Variants in TRDN observed in about 807,000 individuals in gnomAD.
TRDN encodes the protein triadin.
Under a neutral mutation model 149.7 loss-of-function variants are expected in TRDN, and 161 were observed. The ratio of observed to expected loss-of-function variants is 1.08; its 90% CI spans 0.95 to 1.23. The LOEUF (loss-of-function observed/expected upper bound fraction) is 1.23, where lower values mean the gene tolerates loss of function less well. Among genes scored for constraint, TRDN ranks in the 50% most tolerant of loss-of-function variants. The pLI, the probability that TRDN is intolerant of heterozygous loss-of-function variation, is 0.00. For missense variants in TRDN, 896 were observed against 823.5 expected, an observed-to-expected ratio of 1.09 and a Z score of -1.08; for synonymous variants, 294 against 250.5, an observed-to-expected ratio of 1.17 and a Z score of -1.64.
chr6:123,417,281 A>G (rs914490662), intron 12 of TRDN, among the ~76,000 whole-genome samples: 9 of 151,978 alleles, frequency 5.9e-5, no homozygotes, highest in African/African-American at 2.2e-4. Context: ...TTTCAGATTC[A>G]GGTATTATTG....
intron 21 of TRDN, chr6:123,350,130 A>C: frequency 2.1e-6 from 2 of 974,556 alleles, no homozygotes; most frequent in Non-Finnish European, 2.4e-6. Flanking sequence ...ACTGTGTTAA[A>C]ATTTATTCTT....
At chr6:123,330,921 T>C (rs991985882) in intron 23 of TRDN, among the ~76,000 whole-genome samples, 2 of 151,948 alleles carry the variant, frequency 1.3e-5, no homozygotes, top group Admixed American at 6.6e-5. Flanking sequence ...CCTTCTCTTA[T>C]CAATAAAAAA....
intron 1 of TRDN, among the ~76,000 whole-genome samples, chr6:123,577,334 T>C (rs111411373): frequency 0.059 from 9,036 of 152,122 alleles, 362 homozygotes; most frequent in African/African-American, 0.095. Flanking sequence ...GTGTCTGTTG[T>C]TCCCTTCTTT....
chr6:123,280,088 G>A (rs1289259663), intron 24 of TRDN, among the ~76,000 whole-genome samples: 1 of 152,162 alleles, frequency 6.6e-6, no homozygotes, highest in African/African-American at 2.4e-5. Flanking sequence ...CAAGGCCTTA[G>A]TGCAGCAATG....
chr6:123,512,308 G>T lies in TRDN; in HGVS notation c.605C>A (p.Ala202Glu). 1 of 1,479,048 alleles carries T rather than the reference G, an allele frequency of 6.8e-7. No homozygotes were observed. The highest frequency in any genetic ancestry group is 9.3e-7 in the Non-Finnish European group (1 of 1,079,450). The allele number at this position is 1,479,048 out of a possible 1,614,324, so 91.6% of individuals were successfully genotyped here. A position where few individuals can be genotyped will look rare whatever the true frequency, so the allele number is the denominator to read the frequency against. Residue 202 changes from alanine (A) to glutamate (E), a missense_variant, in exon 7 of 41, where the codon GCG becomes GAG. Transcript: ENST00000334268. ...ATAATAAATTGAAAAGTTACCTTTC[G>T]CCAGTGTCTTTGTTTCTGGTTTTTC... ...KKEKPETKTL[A>E]KEQKKAKTAE...
intron 10 of TRDN, among the ~76,000 whole-genome samples, chr6:123,443,636 C>A (rs1461162881): frequency 6.6e-6 from 1 of 151,994 alleles, no homozygotes. Flanking sequence ...ACTAAAAATA[C>A]AAAAAATTAG....
intron 24 of TRDN, among the ~76,000 whole-genome samples, chr6:123,305,974 A>G (rs1426557053): frequency 2.0e-5 from 3 of 152,150 alleles, no homozygotes; most frequent in Non-Finnish European, 2.9e-5. Flanking sequence ...ACTTTTAGAT[A>G]TGTTTTGTTG....
intron 10 of TRDN, among the ~76,000 whole-genome samples, chr6:123,441,640 G>A (rs1774895297): frequency 6.6e-6 from 1 of 152,106 alleles, no homozygotes; most frequent in Non-Finnish European, 1.5e-5. Flanking sequence ...AAAATTAAAC[G>A]ACTTACTTCT....
At chr6:123,548,694 T>A (rs1051144546) in intron 2 of TRDN, 82 bp from the exon 3 acceptor site, 2 of 1,165,670 alleles carry the variant, frequency 1.7e-6, no homozygotes, top group African/African-American at 3.2e-5. Context: ...TTTACTGATT[T>A]GTTGTTTTGA....
chr6:123,610,717 C>G (rs9388270), intron 1 of TRDN, among the ~76,000 whole-genome samples: 37,405 of 152,004 alleles, frequency 0.25, 4,753 homozygotes, highest in East Asian at 0.43. Context: ...ACACCAAATG[C>G]CTCCTCTTTT....
At chr6:123,430,013 T>C (rs1774266646) in intron 12 of TRDN, among the ~76,000 whole-genome samples, 1 of 152,184 alleles carries the variant, frequency 6.6e-6, no homozygotes, top group African/African-American at 2.4e-5. Flanking sequence ...CTCATGCCTG[T>C]AATCCCAGCA....
At chr6:123,315,298 A>C (rs6934862) in intron 24 of TRDN, among the ~76,000 whole-genome samples, 27,501 of 151,804 alleles carry the variant, frequency 0.18, 3,370 homozygotes, top group East Asian at 0.6. Context: ...ACTCAATATA[A>C]CATTTTATCT....
intron 12 of TRDN, among the ~76,000 whole-genome samples, chr6:123,435,616 C>CCTAT (rs1774527192): frequency 6.6e-6 from 1 of 151,498 alleles, no homozygotes; most frequent in Non-Finnish European, 1.5e-5. Context: ...ATAAACTCTG[C>CCTAT]CTATCTTTTA....
Position 123,483,829 on chromosome 6 carries a change from C to T in TRDN, c.853+13364G>A, listed in dbSNP as rs113875821. On this transcript the variant is annotated intron_variant, in intron 9 of 40. Transcript: ENST00000334268. Reference sequence around the variant, plus strand: ...GATTGATTAATAGAACAACTTTGAGCATAGCAACTCAGATGTTGATGAAGA... The same window carrying T: ...GATTGATTAATAGAACAACTTTGAGTATAGCAACTCAGATGTTGATGAAGA... Among the ~76,000 whole-genome samples the T allele has an allele frequency of 9.5e-3, 1,453 of 152,186 alleles. 22 individuals carry two copies. Among genetic ancestry groups the T allele is most frequent in the African/African-American group, 0.034 (1,399 of 41,536 alleles).
At chr6:123,465,631 C>A (rs1776755949) in intron 9 of TRDN, among the ~76,000 whole-genome samples, 1 of 147,470 alleles carries the variant, frequency 6.8e-6, no homozygotes, top group African/African-American at 2.5e-5. Flanking sequence ...GAAAGAAAAC[C>A]CACAATCATT....
chr6:123,354,520 C>T (rs1315186456), intron 20 of TRDN, among the ~76,000 whole-genome samples: 1 of 151,560 alleles, frequency 6.6e-6, no homozygotes, highest in African/African-American at 2.4e-5. Context: ...CAAATTAAAT[C>T]TGAAAAATAA....
chr6:123,561,130 G>A (rs1055596714), intron 2 of TRDN, among the ~76,000 whole-genome samples: 1 of 152,210 alleles, frequency 6.6e-6, no homozygotes, highest in African/African-American at 2.4e-5. Context: ...AGGCCACTGT[G>A]GTCATTTCTT....
At chr6:123,542,874 G>GTGTGTGTGTGTGTC (rs1228127847) in intron 4 of TRDN, among the ~76,000 whole-genome samples, 2 of 151,640 alleles carry the variant, frequency 1.3e-5, no homozygotes, top group African/African-American at 4.9e-5. Flanking sequence ...GTGTGTGTGT[G>GTGTGTGTGTGTGTC]TGTGTGTGTG....
chr6:123,268,733 T>A (rs1777101466), intron 31 of TRDN, among the ~76,000 whole-genome samples: 1 of 152,046 alleles, frequency 6.6e-6, no homozygotes. Flanking sequence ...CATTAGGAAC[T>A]GATAGCATTC....
Sources: allele counts gnomAD v4.1 joint callset (sites outside exome capture counted in the v4.1 genomes callset), GRCh38; gene constraint gnomAD v4.1.1; transcripts MANE v1.5; gene names NCBI Gene and HGNC (gene_info 2026-07-23, HGNC 2026-07-21).